SMPD4: variants seen among roughly 807,000 people sequenced by gnomAD.
SMPD4 encodes sphingomyelin phosphodiesterase 4.
In SMPD4, 58 loss-of-function variants were observed where a neutral mutation model predicts 97.8. That is an observed-to-expected ratio of 0.59 (90% CI 0.48 to 0.74). The LOEUF (loss-of-function observed/expected upper bound fraction) is 0.74. Ranked by LOEUF, SMPD4 falls within the 30% of genes least tolerant of loss-of-function variation. SMPD4 has a pLI of 0.00. For missense variants in SMPD4, 853 were observed against 1,080.5 expected, an observed-to-expected ratio of 0.79 and a Z score of 2.95; for synonymous variants, 388 against 450.0, an observed-to-expected ratio of 0.86 and a Z score of 1.74.
At chr2:130,172,939 T>C in intron 5 of SMPD4, 44 bp from the exon 6 acceptor site, 3 of 1,574,918 alleles carry the variant, frequency 1.9e-6, no homozygotes, top group Non-Finnish European at 2.6e-6. Flanking sequence ...TGCTGGTGCG[T>C]AGTGCCCGAT....
intron 1 of SMPD4, among the ~76,000 whole-genome samples, chr2:130,179,778 CCGA>C (rs985294510): frequency 6.6e-6 from 1 of 152,110 alleles, no homozygotes; most frequent in Admixed American, 6.6e-5. Context: ...CCTCAGCCTC[CCGA>C]GTAGCTGGAA....
chr2:130,181,722 G>C (rs745691204), upstream of SMPD4: 17 of 1,549,120 alleles, frequency 1.1e-5, no homozygotes, highest in South Asian at 1.9e-4. Flanking sequence ...AAGAGAAATG[G>C]CGAGGCAGGA....
chr2:130,156,550 G>A lies in SMPD4; in HGVS notation c.1188+35C>T, dbSNP rs1686819276. 5 of 1,597,078 alleles carry A rather than the reference G, an allele frequency of 3.1e-6. No homozygotes were observed. In the East Asian group the frequency reaches 9.1e-5, roughly 29 times the overall value. ...ACCTCCCACCTCAAGGCACACAGAG[G>A]ACACAGGCACACGTGTGACGGGGCC... is the stretch of plus-strand genomic sequence containing the variant. On this transcript the variant is annotated intron_variant, in intron 13 of 19. Coordinates refer to ENST00000680298, the MANE Select transcript of SMPD4 (RefSeq NM_017951.5).
chr2:130,164,085 A>G (rs1687686909), intron 10 of SMPD4, among the ~76,000 whole-genome samples: 1 of 152,174 alleles, frequency 6.6e-6, no homozygotes, highest in South Asian at 2.1e-4. Context: ...CCACAACCTC[A>G]TCTGTTCCTG....
At chr2:130,179,779 C>T (rs1363961894) in intron 1 of SMPD4, among the ~76,000 whole-genome samples, 1 of 152,146 alleles carries the variant, frequency 6.6e-6, no homozygotes, top group African/African-American at 2.4e-5. Context: ...CTCAGCCTCC[C>T]GAGTAGCTGG....
At position 130,156,745 on chromosome 2, in the gene SMPD4, G is replaced by T; in HGVS notation, c.1098-70C>A. ...GGCCCTGCTCACAGATGACCCCAGG[G>T]CTCCCATCAGTGAGGGTTGGCTCCG... On this transcript the variant is annotated intron_variant, in intron 12 of 19. Coordinates refer to ENST00000680298, the MANE Select transcript of SMPD4 (RefSeq NM_017951.5). 1.9e-6 allele frequency: 3 copies of T among 1,568,966 alleles called. 1 individual carries two copies. The Middle Eastern group carries it at 5.3e-4, about 277-fold the overall frequency.
In SMPD4 at chr2:130,173,540, G is replaced by A. The variant is rs1264138202; in HGVS notation, c.243C>T (p.Ser81=). The change falls in exon 4 of 20, where the codon AGC becomes AGT. Residue 81 remains serine, a synonymous_variant. Coordinates refer to ENST00000680298, the MANE Select transcript of SMPD4 (RefSeq NM_017951.5). ...LQGRVNPVEY[S]IVMEFLDPGG... ...CAGGGTCGAGAAATTCCATCACGAT[G>A]CTGTACTCCACAGGATTCACGCGCC... The A allele has an allele frequency of 1.9e-6, 3 of 1,610,980 alleles. No individual in the cohort carries two copies. The highest frequency in any genetic ancestry group is 2.5e-6 in the Non-Finnish European group (3 of 1,178,106).
rs188562076 is a variant in SMPD4 at position 130,152,992 on chromosome 2, G to A, written c.2154+51C>T. The A allele has an allele frequency of 5.3e-5, 84 of 1,576,990 alleles. 1 individual carries two copies. In the African/African-American group the frequency reaches 8.4e-4, roughly 16 times the overall value. ...CCCCAGGACTGCACCCCAGGCAGGAGCATCTAGAACCCTCTCTGAAGACGC... is the reference window on the plus strand; with the variant it reads ...CCCCAGGACTGCACCCCAGGCAGGAACATCTAGAACCCTCTCTGAAGACGC... On this transcript the variant is annotated intron_variant, in intron 19 of 19. Transcript: ENST00000680298.
At chr2:130,177,867 G>A (rs1389591584) in intron 1 of SMPD4, among the ~76,000 whole-genome samples, 2 of 152,108 alleles carry the variant, frequency 1.3e-5, no homozygotes, top group Non-Finnish European at 2.9e-5. Flanking sequence ...CTCAGTGGTA[G>A]GCAGAATTCT....
chr2:130,152,909 G>A (rs1254045872), intron 19 of SMPD4, 25 bp from the exon 20 acceptor site: 2 of 1,566,460 alleles, frequency 1.3e-6, no homozygotes, highest in East Asian at 2.3e-5. Flanking sequence ...GAGGCACGGG[G>A]ATGTGGGGTG....
chr2:130,172,616 C>T lies in SMPD4; in HGVS notation c.507+9G>A, dbSNP rs1573721240. ...CCACCTCTCCCAGCAAAAGGCATCC[C>T]TTCCTTACCTTCTGAGTGATGAGGC... On this transcript the variant is annotated intron_variant, in intron 7 of 19. Transcript: ENST00000680298. 1.1e-5 allele frequency: 17 copies of T among 1,614,152 alleles called. 1 individual carries two copies. Among genetic ancestry groups the T allele is most frequent in the East Asian group, 4.5e-5 (2 of 44,880 alleles).
At position 130,164,431 on chromosome 2, in the gene SMPD4, C is replaced by A. The variant is rs755360957; in HGVS notation, c.807G>T (p.Met269Ile). ...SETLLQVFVEMWLHHYSLEMY... is the reference protein window; with the variant it reads ...SETLLQVFVEIWLHHYSLEMY... ...TCTCCAAGGAATAGTGATGAAGCCACATTTCAACAAAAACCTGCAAAAAAG... is the reference window on the plus strand; with the variant it reads ...TCTCCAAGGAATAGTGATGAAGCCAAATTTCAACAAAAACCTGCAAAAAAG... The change falls in exon 10 of 20, where the codon ATG becomes ATT. Residue 269 changes from methionine to isoleucine, a missense_variant. Met to Ile is a conservative substitution (Grantham distance 10). Around this residue, in one of 3 missense-constraint regions of SMPD4, gnomAD observed 313 missense variants for 402.2 expected, o/e 0.78. Coordinates refer to ENST00000680298, the MANE Select transcript of SMPD4 (RefSeq NM_017951.5). The A allele has an allele frequency of 6.2e-7, 1 of 1,614,128 alleles. No individual in the cohort carries two copies. The highest frequency in any genetic ancestry group is 1.1e-5 in the South Asian group (1 of 91,080).
At chr2:130,176,994 C>A (rs1054004261) in intron 1 of SMPD4, among the ~76,000 whole-genome samples, 1 of 152,170 alleles carries the variant, frequency 6.6e-6, no homozygotes, top group African/African-American at 2.4e-5. Context: ...CTGGCCCTAA[C>A]AAAATATTAC....
intron 11 of SMPD4, chr2:130,158,370 C>A (rs1687043785): frequency 1.8e-6 from 1 of 553,674 alleles, no homozygotes; most frequent in Non-Finnish European, 2.7e-6. Context: ...CAGGCTGGAG[C>A]ACAGTGGCGC....
rs536548665 is a variant in SMPD4 at position 130,158,522 on chromosome 2, C to G, written c.952-1126G>C. Among the ~76,000 whole-genome samples the G allele has an allele frequency of 3.0e-3, 461 of 152,234 alleles. 3 individuals are homozygous for G. The highest frequency in any genetic ancestry group is 5.3e-3 in the Non-Finnish European group (362 of 68,018). ...TAGAGATGGGGTTTCACCATGTTGGCCTGACCTCAGGTCTCCCAAAGAGAG... is the reference window on the plus strand; with the variant it reads ...TAGAGATGGGGTTTCACCATGTTGGGCTGACCTCAGGTCTCCCAAAGAGAG... On this transcript the variant is annotated intron_variant, in intron 11 of 19. Transcript: ENST00000680298.
rs759654564 is a variant in SMPD4 at position 130,153,739 on chromosome 2, A to G, written c.1856T>C (p.Leu619Pro). 1.2e-6 allele frequency: 2 copies of G among 1,613,922 alleles called. No individual in the cohort carries two copies. Among genetic ancestry groups the G allele is most frequent in the East Asian group, 2.2e-5 (1 of 44,860 alleles). ...GCGCAGGTACTCCAGGGCCTTCTCC[A>G]GGTATTCATCTGTCTTCCGGACACT... ...QDSVRKTDEY[L>P]EKALEYLRQI... The change falls in exon 17 of 20, where the codon CTG becomes CCG. Residue 619 changes from leucine to proline, a missense_variant. Around this residue, in one of 3 missense-constraint regions of SMPD4, gnomAD observed 511 missense variants for 608.1 expected, o/e 0.84. Transcript: ENST00000680298.
In SMPD4 at chr2:130,152,291, G is replaced by A. The variant is rs554666481; in HGVS notation, c.*264C>T. 48 of 419,286 alleles carry A rather than the reference G, an allele frequency of 1.1e-4. 1 individual carries two copies. The highest frequency in any genetic ancestry group is 1.6e-4 in the Non-Finnish European group (38 of 235,054). The allele number at this position is 419,286 out of a possible 1,614,324, so 26.0% of individuals were successfully genotyped here. A position where few individuals can be genotyped will look rare whatever the true frequency, so the allele number is the denominator to read the frequency against. ...GCTGGCTTGGCCGTGAGTCCTTGGCGGAGGGAGGGAAAGGCCGCCGCTGAG... is the reference window on the plus strand; with the variant it reads ...GCTGGCTTGGCCGTGAGTCCTTGGCAGAGGGAGGGAAAGGCCGCCGCTGAG... On this transcript the variant is annotated 3_prime_UTR_variant, in exon 20 of 20. Coordinates refer to ENST00000680298, the MANE Select transcript of SMPD4 (RefSeq NM_017951.5).
rs1277038780 is a variant in SMPD4, at chr2:130,154,326, C to T, written c.1610G>A (p.Gly537Asp). ...CATCGGGGTGTACTTGCAGTCCTGG[C>T]CCTCCAGGCTGTAGACGTGGCTCTT... ...KVKSHVYSLEGQDCKYTPMFG... is the reference protein window; with the variant it reads ...KVKSHVYSLEDQDCKYTPMFG... The change falls in exon 16 of 20, where the codon GGC (glycine) becomes GAC (aspartate). Residue 537 changes from glycine to aspartate, a missense_variant. By Grantham distance (94) the Gly-to-Asp change is moderately conservative. This residue lies in a region of SMPD4 where 511 missense variants were observed against 608.1 expected (regional missense o/e 0.84). Coordinates refer to ENST00000680298, the MANE Select transcript of SMPD4 (RefSeq NM_017951.5). 1.2e-6 allele frequency: 2 copies of T among 1,610,398 alleles called. No homozygotes were observed. The highest frequency in any genetic ancestry group is 1.1e-5 in the South Asian group (1 of 90,816).
intron 12 of SMPD4, 186 bp from the exon 13 acceptor site, chr2:130,156,861 GGA>G (rs1686855279): frequency 6.6e-7 from 1 of 1,507,234 alleles, no homozygotes; most frequent in Non-Finnish European, 9.0e-7. Flanking sequence ...AACATCCCAA[GGA>G]CACACAGCAC....
Sources: allele counts gnomAD v4.1 joint callset (sites outside exome capture counted in the v4.1 genomes callset), GRCh38; gene constraint gnomAD v4.1.1; regional missense constraint gnomAD v4.1.1; transcripts MANE v1.5; gene names NCBI Gene and HGNC (gene_info 2026-07-23, HGNC 2026-07-21).